Variants in DOCK2 observed in about 807,000 individuals in gnomAD.
The protein encoded by DOCK2 is dedicator of cytokinesis protein 2.
Under a neutral mutation model 248.9 loss-of-function variants are expected in DOCK2, and 87 were observed. The ratio of observed to expected loss-of-function variants is 0.35; its 90% CI spans 0.29 to 0.42. The LOEUF (loss-of-function observed/expected upper bound fraction) is 0.42, where lower values mean the gene tolerates loss of function less well. Ranked by LOEUF, DOCK2 falls within the 10% of genes least tolerant of loss-of-function variation. The probability of loss-of-function intolerance (pLI) is 1.00; values close to 1 mark genes in which losing one functional copy is unlikely to be tolerated. For synonymous variants in DOCK2, 805 were observed against 821.6 expected (o/e 0.98, Z 0.35); for missense variants, 1,747 against 2,300.2 (o/e 0.76, Z 4.92).
At chr5:169,916,182 A>G (rs1774865756) in intron 27 of DOCK2, among the ~76,000 whole-genome samples, 1 of 152,224 alleles carries the variant, frequency 6.6e-6, no homozygotes, top group African/African-American at 2.4e-5. Context: ...AATTCTGAAA[A>G]TAGAGTCTTT....
chr5:169,768,932 C>T (rs1039481474), intron 25 of DOCK2, among the ~76,000 whole-genome samples: 1 of 152,180 alleles, frequency 6.6e-6, no homozygotes, highest in African/African-American at 2.4e-5. Context: ...CCTTTAAGAA[C>T]CAAAGTAGAC....
intron 22 of DOCK2, among the ~76,000 whole-genome samples, chr5:169,745,189 G>A (rs1013427105): frequency 1.3e-5 from 2 of 152,172 alleles, no homozygotes; most frequent in Non-Finnish European, 2.9e-5. Context: ...CTCATGGGGA[G>A]GCTGACCACC....
At chr5:170,079,425 A>AGGCTG (rs1757948995) in intron 49 of DOCK2, 1 of 356,356 alleles carries the variant, frequency 2.8e-6, no homozygotes, top group Non-Finnish European at 5.4e-6. Flanking sequence ...GGGCTTTTCC[A>AGGCTG]GGCTGGGGAG....
rs189535027 is a variant in DOCK2, at chr5:170,071,430, C to T, written c.4728+2210C>T. ...TGAATGTATTTGTACCTCTAGCAAC[C>T]GAACAAATGCTGAAGCCTTCAAAGT... On this transcript the variant is annotated intron_variant, in intron 46 of 51. Transcript: ENST00000520908. Among the ~76,000 whole-genome samples the T allele has an allele frequency of 2.1e-4, 32 of 152,302 alleles. No individual in the cohort carries two copies. The South Asian group carries it at 4.1e-3, about 20-fold the overall frequency.
chr5:169,994,181 C>G (rs1341891336), intron 29 of DOCK2, among the ~76,000 whole-genome samples: 1 of 152,068 alleles, frequency 6.6e-6, no homozygotes, highest in Non-Finnish European at 1.5e-5. Context: ...GATCATAGAG[C>G]TGGAGTGCAA....
intron 1 of DOCK2, among the ~76,000 whole-genome samples, chr5:169,649,209 A>G (rs1001308850): frequency 3.3e-5 from 5 of 152,178 alleles, no homozygotes; most frequent in African/African-American, 4.8e-5. Flanking sequence ...TTACACAGCC[A>G]CTTGTCCAAA....
intron 27 of DOCK2, among the ~76,000 whole-genome samples, chr5:169,963,505 A>G (rs1386313383): frequency 3.3e-5 from 5 of 152,054 alleles, no homozygotes; most frequent in Non-Finnish European, 7.4e-5. Context: ...CTCATTGTAC[A>G]ATTGTGCATG....
intron 27 of DOCK2, among the ~76,000 whole-genome samples, chr5:169,960,474 A>G (rs1777038589): frequency 6.6e-6 from 1 of 152,246 alleles, no homozygotes; most frequent in South Asian, 2.1e-4. Context: ...GTAGGCTCAA[A>G]TCTCATATAC....
At chr5:169,642,810 T>C (rs17644822) in intron 1 of DOCK2, among the ~76,000 whole-genome samples, 12,458 of 152,292 alleles carry the variant, frequency 0.082, 688 homozygotes, top group Non-Finnish European at 0.12. Flanking sequence ...ATGTTTGCAT[T>C]TGAATGAGCC....
chr5:170,067,906 C>A (rs1757551247), intron 45 of DOCK2, among the ~76,000 whole-genome samples: 1 of 152,118 alleles, frequency 6.6e-6, no homozygotes, highest in African/African-American at 2.4e-5. Context: ...TGTGCTGGGG[C>A]AGGGAGGGGC....
chr5:169,940,855 A>G (rs1345126164), intron 27 of DOCK2, among the ~76,000 whole-genome samples: 1 of 152,196 alleles, frequency 6.6e-6, no homozygotes, highest in Non-Finnish European at 1.5e-5. Context: ...GTACCAGTTC[A>G]TGGTCCAGGT....
intron 26 of DOCK2, among the ~76,000 whole-genome samples, chr5:169,834,113 C>T (rs112850441): frequency 5.6e-5 from 8 of 142,076 alleles, no homozygotes; most frequent in East Asian, 2.1e-4. Context: ...TACTCACATG[C>T]TCAGTCAGTG....
chr5:169,735,978 G>C (rs1363099630), intron 22 of DOCK2, among the ~76,000 whole-genome samples: 1 of 151,922 alleles, frequency 6.6e-6, no homozygotes, highest in Non-Finnish European at 1.5e-5. Flanking sequence ...GAGAGGGAGA[G>C]AGAGAGTGAG....
chr5:170,082,350 C>A (rs1364813666), intron 51 of DOCK2, among the ~76,000 whole-genome samples: 1 of 152,184 alleles, frequency 6.6e-6, no homozygotes, highest in African/African-American at 2.4e-5. Context: ...GCTGATTCTG[C>A]AAGTCCCATC....
chr5:169,718,621 AAG>A, intron 21 of DOCK2, 34 bp from the exon 22 acceptor site: 1 of 1,597,362 alleles, frequency 6.3e-7, no homozygotes, highest in Non-Finnish European at 8.6e-7. Flanking sequence ...ACCATGATGA[AAG>A]AGATGTATTT....
At chr5:169,915,875 A>T (rs1206901861) in intron 27 of DOCK2, among the ~76,000 whole-genome samples, 1 of 152,172 alleles carries the variant, frequency 6.6e-6, no homozygotes, top group African/African-American at 2.4e-5. Context: ...TCCCCATAGC[A>T]AATCTGATTA....
intron 46 of DOCK2, among the ~76,000 whole-genome samples, chr5:170,074,917 T>A (rs1757789810): frequency 6.6e-6 from 1 of 152,174 alleles, no homozygotes; most frequent in Non-Finnish European, 1.5e-5. Flanking sequence ...CCTGGCTTCA[T>A]GTAGGCAGAT....
intron 25 of DOCK2, among the ~76,000 whole-genome samples, chr5:169,776,557 T>A (rs1025524640): frequency 1.3e-5 from 2 of 152,206 alleles, no homozygotes; most frequent in Non-Finnish European, 2.9e-5. Context: ...CATTCTATTT[T>A]TAAGGGCTTC....
chr5:170,081,595 C>A, intron 50 of DOCK2: 1 of 508,286 alleles, frequency 2.0e-6, no homozygotes, highest in East Asian at 3.4e-5. Context: ...GGCTTTGGGG[C>A]AAGGTTTTGA....
Sources: allele counts gnomAD v4.1 joint callset (sites outside exome capture counted in the v4.1 genomes callset), GRCh38; gene constraint gnomAD v4.1.1; transcripts MANE v1.5; gene names NCBI Gene and HGNC (gene_info 2026-07-23, HGNC 2026-07-21).